RAP1B: variants seen among roughly 807,000 people sequenced by gnomAD.
The protein encoded by RAP1B is RAP1B, member of RAS oncogene family, also known as ras-related protein Rap-1b.
A neutral mutation model predicts 27.5 loss-of-function variants in RAP1B; 1 was observed. The observed-to-expected ratio is 0.04, with a 90% CI of 0.01 to 0.17. RAP1B has a LOEUF of 0.17. Ranked by LOEUF, RAP1B falls within the 10% of genes least tolerant of loss-of-function variation. The pLI is 1.00. For synonymous variants in RAP1B, 75 were observed against 73.1 expected, an observed-to-expected ratio of 1.03 and a Z score of -0.13; for missense variants, 84 against 214.8, an observed-to-expected ratio of 0.39 and a Z score of 3.81.
chr12:68,618,940 T>A (rs905806819), intron 1 of RAP1B, among the ~76,000 whole-genome samples: 1 of 151,770 alleles, frequency 6.6e-6, no homozygotes, highest in African/African-American at 2.4e-5. Context: ...AGAGCCTGTC[T>A]CTCCTATTAA....
rs1396624621 is a variant in RAP1B, at chr12:68,671,011, A to G, written c.*11762A>G. On this transcript the variant is annotated 3_prime_UTR_variant, in exon 8 of 8. Transcript: ENST00000250559. The stretch of plus-strand genomic sequence containing the variant: ...CCATTGCACTCCAGCCTGGGCAACA[A>G]GAGTGATACTCCGTTTAAAAAAAAA... The G allele has an allele frequency of 6.6e-6, 1 of 151,080 alleles. No homozygotes were observed. Among genetic ancestry groups the G allele is most frequent in the South Asian group, 2.1e-4 (1 of 4,738 alleles). The allele number at this position is 151,080 out of a possible 1,614,324, so 9.4% of individuals were successfully genotyped here.
At chr12:68,636,519 G>T (rs887490917) in intron 1 of RAP1B, among the ~76,000 whole-genome samples, 1 of 152,162 alleles carries the variant, frequency 6.6e-6, no homozygotes. Context: ...CCTCCAATTC[G>T]TGGGCTTAAG....
rs1003748787 is a variant in RAP1B, at chr12:68,665,173, A to G, written c.*5924A>G. The G allele has an allele frequency of 1.3e-5, 2 of 152,386 alleles. No homozygotes were observed. The highest frequency in any genetic ancestry group is 2.4e-5 in the African/African-American group (1 of 41,588). The allele number at this position is 152,386 out of a possible 1,614,324, so 9.4% of individuals were successfully genotyped here. A position where few individuals can be genotyped will look rare whatever the true frequency, so the allele number is the denominator to read the frequency against. On this transcript the variant is annotated 3_prime_UTR_variant, in exon 8 of 8. Transcript: ENST00000250559. ...GGAAATGGAATAGAATCGGATGGGT[A>G]TGGTACAGCAGGTAGTTATGGGGAG... is the stretch of plus-strand genomic sequence containing the variant.
chr12:68,636,740 G>A (rs191771568), intron 1 of RAP1B, among the ~76,000 whole-genome samples: 7 of 151,258 alleles, frequency 4.6e-5, no homozygotes, highest in Admixed American at 2.0e-4. Flanking sequence ...TTTTTGAGAC[G>A]GAGTCTCTGT....
chr12:68,611,346 A>ACCCCCCC (rs1417698746), intron 1 of RAP1B, among the ~76,000 whole-genome samples: 2 of 113,450 alleles, frequency 1.8e-5, no homozygotes, highest in Admixed American at 8.6e-5. Flanking sequence ...GAGCCCGAGG[A>ACCCCCCC]CCCCCCCACC....
chr12:68,619,348 G>T (rs1195828920), intron 1 of RAP1B, among the ~76,000 whole-genome samples: 2 of 152,146 alleles, frequency 1.3e-5, no homozygotes, highest in Non-Finnish European at 2.9e-5. Flanking sequence ...ATTTTAGAAA[G>T]CTTGTATCAG....
intron 1 of RAP1B, chr12:68,642,716 T>C: frequency 9.0e-7 from 1 of 1,109,838 alleles, no homozygotes; most frequent in Non-Finnish European, 1.4e-6. Flanking sequence ...CACATCTTTT[T>C]CTTCGGCATC....
intron 1 of RAP1B, among the ~76,000 whole-genome samples, chr12:68,646,416 C>T (rs528069097): frequency 1.3e-5 from 2 of 152,190 alleles, no homozygotes; most frequent in East Asian, 1.9e-4. Context: ...CTGCCTTAGC[C>T]TCCCGAGTAG....
chr12:68,615,074 A>G (rs1010243191), intron 1 of RAP1B, among the ~76,000 whole-genome samples: 17 of 152,226 alleles, frequency 1.1e-4, no homozygotes, highest in African/African-American at 3.6e-4. Flanking sequence ...TGCCTTAAAA[A>G]CATCACTTTT....
intron 5 of RAP1B, among the ~76,000 whole-genome samples, chr12:68,655,727 G>C (rs755720029): frequency 6.6e-6 from 1 of 152,064 alleles, no homozygotes; most frequent in East Asian, 1.9e-4. Flanking sequence ...GTAGAAACAG[G>C]GTTTCGCCAT....
At chr12:68,630,667 TTTTTTG>T (rs1274494158) in intron 1 of RAP1B, among the ~76,000 whole-genome samples, 1 of 152,040 alleles carries the variant, frequency 6.6e-6, no homozygotes, top group Non-Finnish European at 1.5e-5. Flanking sequence ...TTTTGGGGTC[TTTTTTG>T]TTTTTGTTTT....
chr12:68,651,932 T>C (rs1163735675), intron 3 of RAP1B, 63 bp from the exon 4 acceptor site: 3 of 1,259,166 alleles, frequency 2.4e-6, no homozygotes, highest in Non-Finnish European at 3.4e-6. Context: ...AGCTTTTTTG[T>C]GTATATTAAG....
intron 1 of RAP1B, among the ~76,000 whole-genome samples, chr12:68,622,812 T>C (rs1871477088): frequency 6.6e-6 from 1 of 152,328 alleles, no homozygotes; most frequent in African/African-American, 2.4e-5. Flanking sequence ...ACATAAAGTA[T>C]GTAACGGTTT....
chr12:68,642,443 A>T (rs1041986983), intron 1 of RAP1B: 9 of 690,148 alleles, frequency 1.3e-5, no homozygotes, highest in South Asian at 1.1e-4. Context: ...CTATTGGTCT[A>T]CTGTATAATT....
chr12:68,611,798 G>A (rs1458986911), intron 1 of RAP1B, among the ~76,000 whole-genome samples: 1 of 152,162 alleles, frequency 6.6e-6, no homozygotes, highest in Non-Finnish European at 1.5e-5. Flanking sequence ...AGAAAATCCA[G>A]GAAGTTTGTC....
chr12:68,657,012 A>T, intron 6 of RAP1B, 89 bp from the exon 7 acceptor site: 1 of 1,085,050 alleles, frequency 9.2e-7, no homozygotes, highest in Admixed American at 2.0e-5. Context: ...ATTTATATCC[A>T]TGGAAATTTC....
intron 1 of RAP1B, among the ~76,000 whole-genome samples, chr12:68,639,166 A>G (rs958195216): frequency 6.6e-6 from 1 of 152,152 alleles, no homozygotes; most frequent in Non-Finnish European, 1.5e-5. Context: ...AATTCAAATG[A>G]CTTTACCCGT....
At chr12:68,612,681 A>G (rs1870690396) in intron 1 of RAP1B, among the ~76,000 whole-genome samples, 1 of 152,240 alleles carries the variant, frequency 6.6e-6, no homozygotes, top group Admixed American at 6.5e-5. Context: ...CCACTTGAGT[A>G]GTTTCATCCT....
At chr12:68,642,826 G>A in intron 1 of RAP1B, 1 of 1,005,216 alleles carries the variant, frequency 9.9e-7, no homozygotes, top group Non-Finnish European at 1.6e-6. Context: ...TGGCCTTGTA[G>A]TAAGCCCAGT....
Sources: allele counts gnomAD v4.1 joint callset (sites outside exome capture counted in the v4.1 genomes callset), GRCh38; gene constraint gnomAD v4.1.1; transcripts MANE v1.5; gene names NCBI Gene and HGNC (gene_info 2026-07-23, HGNC 2026-07-21).